The following CAMKMT variants were observed in gnomAD, a reference collection of about 807,000 sequenced individuals.
CAMKMT encodes the protein CaM KMT.
In CAMKMT, 53 loss-of-function variants were observed where a neutral mutation model predicts 48.0. The observed-to-expected ratio is 1.10, with a 90% confidence interval of 0.89 to 1.39. The LOEUF (loss-of-function observed/expected upper bound fraction) is 1.39, where lower values mean the gene tolerates loss of function less well. Among genes scored for constraint, CAMKMT ranks in the 40% most tolerant of loss-of-function variants. The pLI is 0.00. For synonymous variants in CAMKMT, 165 were observed against 152.3 expected (o/e 1.08, Z -0.61); for missense variants, 428 against 402.7 (o/e 1.06, Z -0.54).
At chr2:44,448,863 A>C (rs1667143178) in intron 3 of CAMKMT, among the ~76,000 whole-genome samples, 2 of 152,242 alleles carry the variant, frequency 1.3e-5, no homozygotes, top group Non-Finnish European at 2.9e-5. Context: ...CCTCAGAAAC[A>C]TTGTGCTAAG....
intron 3 of CAMKMT, among the ~76,000 whole-genome samples, chr2:44,614,953 T>TTTTTTTTTTTTTTTC (rs1459090690): frequency 1.5e-5 from 2 of 133,472 alleles, no homozygotes; most frequent in Admixed American, 7.5e-5. Flanking sequence ...TTTTTTTTTT[T>TTTTTTTTTTTTTTTC]TTTTTTTGAG....
chr2:44,532,211 A>C (rs1666524428), intron 3 of CAMKMT, among the ~76,000 whole-genome samples: 1 of 152,234 alleles, frequency 6.6e-6, no homozygotes, highest in East Asian at 1.9e-4. Context: ...GTGTCAACAA[A>C]AATGCTGGAA....
intron 7 of CAMKMT, among the ~76,000 whole-genome samples, chr2:44,736,177 T>C (rs1257625529): frequency 6.6e-6 from 1 of 152,224 alleles, no homozygotes; most frequent in Non-Finnish European, 1.5e-5. Context: ...AAGGATTTCC[T>C]TTAACATTTC....
chr2:44,507,399 A>G (rs1670316167), intron 3 of CAMKMT, among the ~76,000 whole-genome samples: 1 of 152,206 alleles, frequency 6.6e-6, no homozygotes, highest in Non-Finnish European at 1.5e-5. Flanking sequence ...GATAGTGTGC[A>G]TCATGGAACA....
At chr2:44,374,415 T>G (rs1487402135) in intron 2 of CAMKMT, among the ~76,000 whole-genome samples, 2 of 152,180 alleles carry the variant, frequency 1.3e-5, no homozygotes, top group Non-Finnish European at 2.9e-5. Flanking sequence ...TAGAAGGAAA[T>G]GAAAGACAAG....
chr2:44,539,304 C>G (rs1478088739), intron 3 of CAMKMT, among the ~76,000 whole-genome samples: 1 of 147,596 alleles, frequency 6.8e-6, no homozygotes, highest in African/African-American at 2.5e-5. Flanking sequence ...AAAAAAAACC[C>G]AAAAAACTTC....
At chr2:44,672,692 C>T (rs1675401190) in intron 3 of CAMKMT, among the ~76,000 whole-genome samples, 1 of 152,028 alleles carries the variant, frequency 6.6e-6, no homozygotes, top group Non-Finnish European at 1.5e-5. Context: ...GCTTATTTAC[C>T]AGATATCAAC....
At chr2:44,559,250 G>A (rs1461802525) in intron 3 of CAMKMT, among the ~76,000 whole-genome samples, 2 of 152,108 alleles carry the variant, frequency 1.3e-5, no homozygotes, top group Non-Finnish European at 2.9e-5. Context: ...GTCCTCTATT[G>A]CAGCTTCCCC....
intron 7 of CAMKMT, among the ~76,000 whole-genome samples, chr2:44,721,058 T>C (rs1430493538): frequency 6.6e-6 from 1 of 152,186 alleles, no homozygotes; most frequent in Non-Finnish European, 1.5e-5. Flanking sequence ...GTTTATCCTC[T>C]TGAGTTTTCC....
At chr2:44,693,903 C>G (rs2104230709) in intron 3 of CAMKMT, among the ~76,000 whole-genome samples, 1 of 152,292 alleles carries the variant, frequency 6.6e-6, no homozygotes, top group East Asian at 1.9e-4. Flanking sequence ...CCTTTTTTTA[C>G]TGACTCCTGT....
chr2:44,404,764 A>G (rs565384703), intron 3 of CAMKMT, among the ~76,000 whole-genome samples: 259 of 151,978 alleles, frequency 1.7e-3, no homozygotes, highest in African/African-American at 6.0e-3. Context: ...TGCTTTTAGG[A>G]TGATCTTTCC....
intron 3 of CAMKMT, among the ~76,000 whole-genome samples, chr2:44,540,012 C>G (rs770146220): frequency 2.6e-5 from 4 of 152,086 alleles, no homozygotes; most frequent in Non-Finnish European, 5.9e-5. Flanking sequence ...CCTCATTAAA[C>G]TTTCAGTTTT....
At chr2:44,429,657 C>T (rs182538522) in intron 3 of CAMKMT, among the ~76,000 whole-genome samples, 4,642 of 151,546 alleles carry the variant, frequency 0.031, 203 homozygotes, top group African/African-American at 0.1. Flanking sequence ...AAAAATTAGC[C>T]GGGCGCGGTG....
chr2:44,498,829 T>C (rs1669876775), intron 3 of CAMKMT, among the ~76,000 whole-genome samples: 1 of 152,186 alleles, frequency 6.6e-6, no homozygotes, highest in Admixed American at 6.5e-5. Context: ...TGGCCAATAT[T>C]CCCAAATGAG....
intron 6 of CAMKMT, among the ~76,000 whole-genome samples, chr2:44,713,586 TA>T (rs1222475848): frequency 2.0e-5 from 3 of 152,186 alleles, no homozygotes; most frequent in Non-Finnish European, 2.9e-5. Context: ...TAGTCTCTTT[TA>T]TTTTTTTAAT....
At chr2:44,728,241 C>T (rs1024522073) in intron 7 of CAMKMT, among the ~76,000 whole-genome samples, 6 of 151,946 alleles carry the variant, frequency 3.9e-5, no homozygotes, top group East Asian at 3.9e-4. Flanking sequence ...GTGTATGTTG[C>T]GCCAGCCTTG....
At chr2:44,668,399 G>A (rs867167188) in intron 3 of CAMKMT, among the ~76,000 whole-genome samples, 5 of 152,136 alleles carry the variant, frequency 3.3e-5, no homozygotes, top group Middle Eastern at 3.4e-3. Flanking sequence ...AAATTATTCC[G>A]TTTCCTTCAT....
chr2:44,451,882 G>A (rs1022255516), intron 3 of CAMKMT, among the ~76,000 whole-genome samples: 1 of 151,440 alleles, frequency 6.6e-6, no homozygotes, highest in African/African-American at 2.4e-5. Context: ...TATTTTGATT[G>A]TAATAGCCAA....
chr2:44,753,699 C>T (rs1680250728), intron 8 of CAMKMT, among the ~76,000 whole-genome samples: 1 of 152,124 alleles, frequency 6.6e-6, no homozygotes, highest in African/African-American at 2.4e-5. Flanking sequence ...GGCAGAGGGC[C>T]CAGGTCTAAG....
Sources: allele counts gnomAD v4.1 joint callset (sites outside exome capture counted in the v4.1 genomes callset), GRCh38; gene constraint gnomAD v4.1.1; transcripts MANE v1.5; gene names NCBI Gene and HGNC (gene_info 2026-07-23, HGNC 2026-07-21).